The following LRRC4C variants were observed in gnomAD, a reference collection of about 807,000 sequenced individuals.
LRRC4C encodes the protein leucine rich repeat containing 4C.
Under a neutral mutation model 33.6 loss-of-function variants are expected in LRRC4C, and 5 were observed. The ratio of observed to expected loss-of-function variants is 0.15; its 90% CI spans 0.08 to 0.31. The LOEUF (loss-of-function observed/expected upper bound fraction) is 0.31, where lower values mean the gene tolerates loss of function less well. Ranked by LOEUF, LRRC4C falls within the 10% of genes least tolerant of loss-of-function variation. The pLI is 1.00. For synonymous variants in LRRC4C, 329 were observed against 302.0 expected (o/e 1.09, Z -0.93); for missense variants, 560 against 796.7 (o/e 0.70, Z 3.58).
intron 3 of LRRC4C, among the ~76,000 whole-genome samples, chr11:40,351,956 A>G (rs560593789): frequency 2.8e-4 from 42 of 152,108 alleles, no homozygotes; most frequent in African/African-American, 9.9e-4. Flanking sequence ...GGTAACAAAT[A>G]TTTTAAAATT....
chr11:40,885,758 C>T (rs938626108), intron 2 of LRRC4C, among the ~76,000 whole-genome samples: 1 of 152,086 alleles, frequency 6.6e-6, no homozygotes, highest in Non-Finnish European at 1.5e-5. Context: ...AGTCAGAGTA[C>T]TTATCATTCA....
At chr11:40,430,912 A>G (rs1202965331) in intron 3 of LRRC4C, among the ~76,000 whole-genome samples, 1 of 120,572 alleles carries the variant, frequency 8.3e-6, no homozygotes, top group African/African-American at 3.2e-5. Flanking sequence ...TCACATGGAC[A>G]CAGGAAGGGG....
At chr11:40,284,262 G>A (rs1263749866) in intron 4 of LRRC4C, among the ~76,000 whole-genome samples, 1 of 152,158 alleles carries the variant, frequency 6.6e-6, no homozygotes, top group Non-Finnish European at 1.5e-5. Context: ...CATGTCCCCA[G>A]AGGACTAAAA....
chr11:40,857,792 G>A (rs1455785277), intron 2 of LRRC4C, among the ~76,000 whole-genome samples: 1 of 152,068 alleles, frequency 6.6e-6, no homozygotes, highest in Non-Finnish European at 1.5e-5. Context: ...GCATGCACCT[G>A]TAGTCCCAGT....
chr11:40,860,742 A>G (rs1591919168), intron 2 of LRRC4C, among the ~76,000 whole-genome samples: 1 of 147,576 alleles, frequency 6.8e-6, no homozygotes. Flanking sequence ...CTATTTCCAA[A>G]TAAGGTCATA....
intron 3 of LRRC4C, among the ~76,000 whole-genome samples, chr11:40,521,574 A>C (rs1365591010): frequency 6.6e-6 from 1 of 152,174 alleles, no homozygotes; most frequent in African/African-American, 2.4e-5. Flanking sequence ...GAAAATGTAC[A>C]GTATAAGAAA....
chr11:40,771,696 T>C (rs553799826), intron 2 of LRRC4C, among the ~76,000 whole-genome samples: 4 of 152,180 alleles, frequency 2.6e-5, no homozygotes, highest in Non-Finnish European at 4.4e-5. Flanking sequence ...CATAGGTCTC[T>C]AGGGCAGGGG....
chr11:41,246,391 G>T (rs1234891974), intron 1 of LRRC4C, among the ~76,000 whole-genome samples: 1 of 152,206 alleles, frequency 6.6e-6, no homozygotes, highest in Non-Finnish European at 1.5e-5. Flanking sequence ...AGTAGGGAGA[G>T]GCCAAGCAGC....
Position 41,233,480 on chromosome 11 carries a change from G to GA in LRRC4C, c.-496+225950dup, listed in dbSNP as rs971871791. Among the ~76,000 whole-genome samples, 7 of 151,262 alleles carry GA rather than the reference G, an allele frequency of 4.6e-5. No homozygotes were observed. The South Asian group carries it at 1.0e-3, about 23-fold the overall frequency. On this transcript the variant is annotated intron_variant, in intron 1 of 6. Coordinates refer to ENST00000528697, the MANE Select transcript of LRRC4C (RefSeq NM_001258419.2). ...ATAGTCTATGTTTAAATTAACATTA[G>GA]AAAAAAAAATTTGCATTCAGTTTGA...
intron 1 of LRRC4C, among the ~76,000 whole-genome samples, chr11:41,084,550 A>C (rs1939812669): frequency 6.6e-6 from 1 of 152,146 alleles, no homozygotes; most frequent in Non-Finnish European, 1.5e-5. Flanking sequence ...CTTCAGTTTA[A>C]AAATTTTTTA....
chr11:40,677,631 A>T (rs1269197358), intron 2 of LRRC4C, among the ~76,000 whole-genome samples: 1 of 152,190 alleles, frequency 6.6e-6, no homozygotes, highest in Admixed American at 6.5e-5. Context: ...TGCTGACTCC[A>T]GAATCTGTTT....
At chr11:40,252,292 C>A (rs1866847191) in intron 4 of LRRC4C, among the ~76,000 whole-genome samples, 1 of 151,420 alleles carries the variant, frequency 6.6e-6, no homozygotes, top group African/African-American at 2.4e-5. Flanking sequence ...CATAATATAC[C>A]CACCTAATAT....
At chr11:41,114,277 A>T (rs1259804948) in intron 1 of LRRC4C, among the ~76,000 whole-genome samples, 11 of 152,058 alleles carry the variant, frequency 7.2e-5, no homozygotes, top group Non-Finnish European at 1.3e-4. Flanking sequence ...TATTTACTAC[A>T]ACAACAACAA....
chr11:41,444,022 C>A (rs560195591), intron 1 of LRRC4C, among the ~76,000 whole-genome samples: 1 of 152,240 alleles, frequency 6.6e-6, no homozygotes, highest in African/African-American at 2.4e-5. Context: ...CTAAGAGTAG[C>A]CTCAGAGCAG....
chr11:40,606,839 C>T (rs535379253), intron 3 of LRRC4C, among the ~76,000 whole-genome samples: 53 of 152,142 alleles, frequency 3.5e-4, no homozygotes, highest in African/African-American at 1.3e-3. Flanking sequence ...AGAAAATAAA[C>T]ATCCAGATTC....
intron 3 of LRRC4C, among the ~76,000 whole-genome samples, chr11:40,394,111 A>C (rs1458531143): frequency 1.3e-5 from 2 of 152,096 alleles, no homozygotes; most frequent in Non-Finnish European, 2.9e-5. Flanking sequence ...TTGTTTAGAT[A>C]ATGTTGGGGG....
At chr11:40,579,996 T>C (rs925872217) in intron 3 of LRRC4C, among the ~76,000 whole-genome samples, 1 of 152,000 alleles carries the variant, frequency 6.6e-6, no homozygotes, top group African/African-American at 2.4e-5. Flanking sequence ...GAGATAGCTG[T>C]AACCAGGTCT....
At chr11:40,189,351 A>G (rs1472876063) in intron 5 of LRRC4C, among the ~76,000 whole-genome samples, 1 of 152,120 alleles carries the variant, frequency 6.6e-6, no homozygotes, top group Admixed American at 6.5e-5. Flanking sequence ...TTTACCTCCT[A>G]GGGTAAACCA....
In LRRC4C at chr11:41,355,254, A is replaced by G. The variant is rs189236146; in HGVS notation, c.-496+104177T>C. ...CCCTAATCATGAGAAAAAAATAACTATCAACTTGGGAACAAAAAGAAGGGG... is the reference window on the plus strand; with the variant it reads ...CCCTAATCATGAGAAAAAAATAACTGTCAACTTGGGAACAAAAAGAAGGGG... On this transcript the variant is annotated intron_variant, in intron 1 of 6. Transcript: ENST00000528697. Among the ~76,000 whole-genome samples, 15 of 152,192 alleles carry G rather than the reference A, an allele frequency of 9.9e-5. No individual in the cohort carries two copies. The East Asian group carries it at 2.5e-3, about 25-fold the overall frequency.
Sources: gnomAD v4.1 joint callset for allele counts (sites outside exome capture counted in the v4.1 genomes callset) on GRCh38, gnomAD v4.1.1 for gene constraint, MANE v1.5 for transcripts, NCBI Gene and HGNC (gene_info 2026-07-23, HGNC 2026-07-21) for gene names.